Variants in RASGEF1C observed in about 807,000 individuals in gnomAD.
RASGEF1C encodes RasGEF domain family member 1C, also known as ras-GEF domain-containing family member 1C.
A neutral mutation model predicts 58.1 loss-of-function variants in RASGEF1C; 27 were observed. That is an observed-to-expected ratio of 0.46 (90% CI 0.34 to 0.64). RASGEF1C has a LOEUF of 0.64. Ranked by LOEUF, RASGEF1C falls within the 30% of genes least tolerant of loss-of-function variation. The probability of loss-of-function intolerance (pLI) is 0.01; values close to 1 mark genes in which losing one functional copy is unlikely to be tolerated. For synonymous variants in RASGEF1C, 243 were observed against 246.3 expected, an observed-to-expected ratio of 0.99 and a Z score of 0.13; for missense variants, 502 against 605.1, an observed-to-expected ratio of 0.83 and a Z score of 1.79.
intron 1 of RASGEF1C, among the ~76,000 whole-genome samples, chr5:180,190,312 C>T (rs181498570): frequency 0.01 from 1,524 of 151,644 alleles, 8 homozygotes; most frequent in South Asian, 0.017. Flanking sequence ...ACGGTGAAAC[C>T]CCGTCTCTAC....
intron 1 of RASGEF1C, among the ~76,000 whole-genome samples, chr5:180,202,843 C>T (rs1210527247): frequency 6.6e-6 from 1 of 152,008 alleles, no homozygotes; most frequent in African/African-American, 2.4e-5. Context: ...GCTGGGATTA[C>T]AGGTGCCCGC....
intron 1 of RASGEF1C, among the ~76,000 whole-genome samples, chr5:180,161,853 C>G (rs1766950050): frequency 6.8e-6 from 1 of 147,062 alleles, no homozygotes; most frequent in East Asian, 2.0e-4. Context: ...GGGCTACTTT[C>G]TCACAGCCCC....
chr5:180,145,368 GC>G (rs1766648037), intron 1 of RASGEF1C, among the ~76,000 whole-genome samples: 1 of 152,142 alleles, frequency 6.6e-6, no homozygotes, highest in Non-Finnish European at 1.5e-5. Flanking sequence ...TGATCTGCCC[GC>G]CTCAGCCTCC....
intron 1 of RASGEF1C, among the ~76,000 whole-genome samples, chr5:180,175,498 G>A (rs1767208929): frequency 6.6e-6 from 1 of 152,178 alleles, no homozygotes; most frequent in Non-Finnish European, 1.5e-5. Flanking sequence ...CCGGCCTTGG[G>A]CTCAGGACCC....
At chr5:180,107,017 C>T (rs1412697839) in intron 12 of RASGEF1C, among the ~76,000 whole-genome samples, 8 of 152,030 alleles carry the variant, frequency 5.3e-5, no homozygotes, top group Non-Finnish European at 1.2e-4. Flanking sequence ...TGTATAATGT[C>T]CTTCTTTGTT....
rs1004332963 is a variant in RASGEF1C, at chr5:180,137,517, G to C, written c.300+73C>G. The stretch of plus-strand genomic sequence containing the variant: ...GGGGACAATCATTGCCTCCCCGAGA[G>C]GCTGATGCGTTGAGGGCATGGCAGG... On this transcript the variant is annotated intron_variant, in intron 3 of 13. Transcript: ENST00000361132. This position sits in a 1 kb window ranked among gnomAD's most constrained non-coding sequence, Gnocchi z 4.1. 6.4e-7 allele frequency: 1 copy of C among 1,557,170 alleles called. No homozygotes were observed. The highest frequency in any genetic ancestry group is 8.7e-7 in the Non-Finnish European group (1 of 1,151,560).
chr5:180,167,427 C>T lies in RASGEF1C; in HGVS notation c.-6-29369G>A, dbSNP rs191883550. On this transcript the variant is annotated intron_variant, in intron 1 of 13. Transcript: ENST00000361132. The stretch of plus-strand genomic sequence containing the variant: ...ATCATTTGAACCTTGGAGGCGGAGG[C>T]GCAGTGAGCCAAGATTGCGCCACTG... 3.2e-3 allele frequency among the ~76,000 whole-genome samples: 484 copies of T among 152,116 alleles called. 6 individuals are homozygous for T. Among genetic ancestry groups the T allele is most frequent in the Admixed American group, 0.029 (440 of 15,274 alleles).
chr5:180,139,261 A>T (rs1424339634), intron 1 of RASGEF1C, among the ~76,000 whole-genome samples: 1 of 152,122 alleles, frequency 6.6e-6, no homozygotes, highest in Non-Finnish European at 1.5e-5. Flanking sequence ...TAAACCTGTG[A>T]CTGTTTAGAC....
At chr5:180,159,799 A>G (rs904348430) in intron 1 of RASGEF1C, among the ~76,000 whole-genome samples, 10 of 152,192 alleles carry the variant, frequency 6.6e-5, no homozygotes, top group African/African-American at 2.4e-4. Flanking sequence ...TATTTTGACA[A>G]AAGTCCCACG....
intron 12 of RASGEF1C, among the ~76,000 whole-genome samples, chr5:180,109,517 A>T (rs935407527): frequency 6.6e-6 from 1 of 152,228 alleles, no homozygotes; most frequent in Admixed American, 6.5e-5. Flanking sequence ...CCAGGTTCTA[A>T]TCCCAGGACC....
At chr5:180,188,228 C>T (rs1038933636) in intron 1 of RASGEF1C, among the ~76,000 whole-genome samples, 4 of 152,118 alleles carry the variant, frequency 2.6e-5, no homozygotes, top group Non-Finnish European at 5.9e-5. Context: ...CCGCTTGACA[C>T]GAAAGGCCAC....
intron 6 of RASGEF1C, among the ~76,000 whole-genome samples, chr5:180,123,954 T>C (rs116350878): frequency 7.0e-4 from 106 of 152,036 alleles, no homozygotes; most frequent in Non-Finnish European, 1.3e-3. Flanking sequence ...TTAGGGGAAA[T>C]GGCCAAATTC....
intron 1 of RASGEF1C, among the ~76,000 whole-genome samples, chr5:180,147,617 T>G (rs1361241720): frequency 2.6e-5 from 4 of 152,194 alleles, no homozygotes; most frequent in Admixed American, 1.3e-4. Flanking sequence ...CAGTTTTCCT[T>G]CTATTATTGA....
chr5:180,119,976 A>G (rs1290952912), intron 7 of RASGEF1C, among the ~76,000 whole-genome samples: 2 of 152,108 alleles, frequency 1.3e-5, no homozygotes, highest in Non-Finnish European at 2.9e-5. Flanking sequence ...GTCCTTCCCC[A>G]GCCATCCTGG....
At chr5:180,119,510 G>T (rs75306718) in intron 7 of RASGEF1C, 62 bp from the exon 8 acceptor site, 4 of 1,297,464 alleles carry the variant, frequency 3.1e-6, no homozygotes, top group Non-Finnish European at 4.4e-6. Context: ...GATCAGGCCC[G>T]CTCCCCTCAC....
rs890825410 is a variant in RASGEF1C, at chr5:180,155,042, G to A, written c.-6-16984C>T. On this transcript the variant is annotated intron_variant, in intron 1 of 13. Coordinates refer to ENST00000361132, the MANE Select transcript of RASGEF1C (RefSeq NM_175062.4). This position sits in a 1 kb window ranked among gnomAD's most constrained non-coding sequence, Gnocchi z 5.2. Reference sequence around the variant, plus strand: ...CAACCTGAGTACTTGAAGCCACAGTGTGACTCTTGGAAGCCTCCAGGAGGC... The same window carrying A: ...CAACCTGAGTACTTGAAGCCACAGTATGACTCTTGGAAGCCTCCAGGAGGC... 1.3e-5 allele frequency among the ~76,000 whole-genome samples: 2 copies of A among 152,190 alleles called. No individual in the cohort carries two copies. The highest frequency in any genetic ancestry group is 2.1e-4 in the South Asian group (1 of 4,826).
intron 12 of RASGEF1C, among the ~76,000 whole-genome samples, chr5:180,105,123 C>A (rs1470796853): frequency 2.0e-5 from 3 of 152,190 alleles, no homozygotes; most frequent in Admixed American, 6.5e-5. Flanking sequence ...ATTTTTCTTT[C>A]TTCAGAATTT....
chr5:180,178,471 G>A (rs62406141), intron 1 of RASGEF1C, among the ~76,000 whole-genome samples: 19,091 of 150,910 alleles, frequency 0.13, 1,263 homozygotes, highest in East Asian at 0.21. Flanking sequence ...GTAGAGACGG[G>A]GTTTCACCAT....
intron 1 of RASGEF1C, among the ~76,000 whole-genome samples, chr5:180,147,270 T>C (rs959170092): frequency 3.9e-4 from 1 of 2,566 alleles, no homozygotes; most frequent in Non-Finnish European, 0.019. Context: ...CTTTTTAAAT[T>C]TTTTTCTATT....
Sources: allele counts gnomAD v4.1 joint callset (sites outside exome capture counted in the v4.1 genomes callset), GRCh38; gene constraint gnomAD v4.1.1; non-coding constraint Gnocchi (gnomAD v3.1); transcripts MANE v1.5; gene names NCBI Gene and HGNC (gene_info 2026-07-23, HGNC 2026-07-21).